Variants in DDAH1 observed in about 807,000 individuals in gnomAD.
DDAH1 encodes the protein dimethylarginine dimethylaminohydrolase 1, also known as N(G),N(G)-dimethylarginine dimethylaminohydrolase 1.
DDAH1 carries 19 observed loss-of-function variants against 28.8 expected under a neutral mutation model. The ratio of observed to expected loss-of-function variants is 0.66; its 90% CI spans 0.46 to 0.97. The LOEUF (loss-of-function observed/expected upper bound fraction) is 0.97. Ranked by LOEUF, DDAH1 falls within the 50% of genes least tolerant of loss-of-function variation. The probability of loss-of-function intolerance (pLI) is 0.00; values close to 1 mark genes in which losing one functional copy is unlikely to be tolerated. For synonymous variants in DDAH1, 153 were observed against 154.4 expected (o/e 0.99, Z 0.07); for missense variants, 326 against 375.9 (o/e 0.87, Z 1.10).
intron 4 of DDAH1, among the ~76,000 whole-genome samples, chr1:85,331,213 C>T (rs182371676): frequency 1.3e-5 from 2 of 152,264 alleles, no homozygotes; most frequent in African/African-American, 4.8e-5. Context: ...GACTGAAAGC[C>T]CACTCCATTC....
chr1:85,351,478 T>C (rs780893194), intron 3 of DDAH1, 28 bp downstream of exon 3: 1 of 1,571,628 alleles, frequency 6.4e-7, no homozygotes, highest in South Asian at 1.1e-5. Context: ...AATTGCTTTG[T>C]GCCAGGCATA....
chr1:85,479,872 A>C lies in DDAH1; in HGVS notation c.-7+16294T>G, dbSNP rs17127790. Among the ~76,000 whole-genome samples the C allele has an allele frequency of 9.8e-3, 1,487 of 152,314 alleles. 26 individuals are homozygous for C. The highest frequency in any genetic ancestry group is 0.035 in the African/African-American group (1,435 of 41,566). ...ATCACATGTTCTAGAAGAGGTCACA[A>C]AATTCTGATTTGGGAATTTTTGTAA... On this transcript the variant is annotated intron_variant, in intron 2 of 6. Transcript: ENST00000426972.
intron 1 of DDAH1, among the ~76,000 whole-genome samples, chr1:85,425,938 A>C (rs934792685): frequency 6.6e-6 from 1 of 152,206 alleles, no homozygotes; most frequent in African/African-American, 2.4e-5. Context: ...TGTGATAAGC[A>C]CTAGTCTAGC....
intron 1 of DDAH1, among the ~76,000 whole-genome samples, chr1:85,366,937 G>A (rs1258412827): frequency 1.3e-5 from 2 of 152,150 alleles, no homozygotes; most frequent in African/African-American, 2.4e-5. Flanking sequence ...ATGACACAGA[G>A]AATCTACAAT....
intron 1 of DDAH1, among the ~76,000 whole-genome samples, chr1:85,405,371 A>C (rs985346852): frequency 6.6e-6 from 1 of 152,234 alleles, no homozygotes; most frequent in Non-Finnish European, 1.5e-5. Context: ...AACTGTAAAA[A>C]ACACTGTATG....
chr1:85,464,605 C>G lies in DDAH1; in HGVS notation c.303+138G>C, dbSNP rs576342490. The G allele has an allele frequency of 1.6e-4, 237 of 1,526,876 alleles. 1 individual carries two copies. The East Asian group carries it at 4.6e-3, about 30-fold the overall frequency. 94.6% of individuals were successfully genotyped at this position (1,526,876 alleles called of 1,614,324 possible). On this transcript the variant is annotated intron_variant, in intron 1 of 5. Transcript: ENST00000284031. The surrounding 1 kb of genome is among the most constrained non-coding windows in gnomAD (Gnocchi z 4.4). ...TGACTCTCTGACACACACACACACA[C>G]ACACACTCGCCCCCCGACGGGAAGT...
intron 1 of DDAH1, among the ~76,000 whole-genome samples, chr1:85,572,887 T>G (rs772540171): frequency 6.6e-6 from 1 of 152,254 alleles, no homozygotes; most frequent in Non-Finnish European, 1.5e-5. Context: ...GGTGTCTCAG[T>G]GCAGCCAGAA....
chr1:85,479,424 C>T (rs959985000), intron 2 of DDAH1, among the ~76,000 whole-genome samples: 11 of 152,002 alleles, frequency 7.2e-5, no homozygotes, highest in South Asian at 2.1e-4. Flanking sequence ...CCACCCGCCT[C>T]GGCCTCCCAA....
chr1:85,556,957 A>T (rs548551518), intron 1 of DDAH1, among the ~76,000 whole-genome samples: 4 of 152,268 alleles, frequency 2.6e-5, no homozygotes, highest in African/African-American at 9.6e-5. Flanking sequence ...TCTCTACTGA[A>T]AACACAAAAA....
At chr1:85,471,347 A>G (rs558535032) in intron 2 of DDAH1, among the ~76,000 whole-genome samples, 12 of 152,174 alleles carry the variant, frequency 7.9e-5, no homozygotes, top group African/African-American at 2.9e-4. Context: ...GGTTCTCTTT[A>G]CCTGCTCACA....
chr1:85,501,586 C>T (rs182767441), intron 1 of DDAH1, among the ~76,000 whole-genome samples: 2 of 152,272 alleles, frequency 1.3e-5, no homozygotes, highest in Admixed American at 1.3e-4. Flanking sequence ...CCACCTCAAC[C>T]ACCCTGAACT....
At chr1:85,354,612 T>C (rs1400851692) in intron 2 of DDAH1, among the ~76,000 whole-genome samples, 1 of 152,108 alleles carries the variant, frequency 6.6e-6, no homozygotes, top group Admixed American at 6.5e-5. Context: ...TATAAATTAT[T>C]ACAGTTATGA....
chr1:85,354,324 G>A (rs961548582), intron 2 of DDAH1, among the ~76,000 whole-genome samples: 3 of 151,968 alleles, frequency 2.0e-5, no homozygotes, highest in Admixed American at 6.6e-5. Flanking sequence ...TCATGTAGAT[G>A]GTTAATTAGA....
intron 1 of DDAH1, among the ~76,000 whole-genome samples, chr1:85,541,778 G>C (rs1374612312): frequency 1.3e-5 from 2 of 152,084 alleles, no homozygotes; most frequent in African/African-American, 2.4e-5. Context: ...ATCAGATTAG[G>C]GTCCTGGTAA....
intron 2 of DDAH1, among the ~76,000 whole-genome samples, chr1:85,486,069 G>A (rs778373169): frequency 2.6e-5 from 4 of 152,176 alleles, no homozygotes; most frequent in Non-Finnish European, 5.9e-5. Flanking sequence ...GGTTGAGTTT[G>A]CCCTGCTGTC....
Position 85,374,511 on chromosome 1 carries a change from C to T in DDAH1, c.304-15664G>A, listed in dbSNP as rs552238399. On this transcript the variant is annotated intron_variant, in intron 1 of 5. Transcript: ENST00000284031. ...GAGAGGTTTATTTAAAGCCCACTCT[C>T]CCTGGACTTGAAGTGAAAAAGGTAA... 2.0e-5 allele frequency among the ~76,000 whole-genome samples: 3 copies of T among 152,196 alleles called. No homozygotes were observed. The East Asian group carries it at 5.8e-4, about 29-fold the overall frequency.
intron 5 of DDAH1, among the ~76,000 whole-genome samples, chr1:85,322,288 G>A (rs1172760730): frequency 6.6e-6 from 1 of 152,008 alleles, no homozygotes; most frequent in African/African-American, 2.4e-5. Context: ...CAACACTGCT[G>A]GAAAAATTTG....
At chr1:85,385,924 T>C (rs1166475276) in intron 1 of DDAH1, among the ~76,000 whole-genome samples, 1 of 151,784 alleles carries the variant, frequency 6.6e-6, no homozygotes, top group Non-Finnish European at 1.5e-5. Context: ...GTGAGAGAGA[T>C]GAAGGAGGAG....
intron 1 of DDAH1, among the ~76,000 whole-genome samples, chr1:85,504,419 G>A (rs962998303): frequency 1.3e-5 from 2 of 152,280 alleles, no homozygotes; most frequent in Admixed American, 1.3e-4. Flanking sequence ...GTCTTTGGCT[G>A]TGATAAAATC....
Sources: gnomAD v4.1 joint callset for allele counts (sites outside exome capture counted in the v4.1 genomes callset) on GRCh38, gnomAD v4.1.1 for gene constraint, Gnocchi (gnomAD v3.1) non-coding constraint, MANE v1.5 for transcripts, NCBI Gene and HGNC (gene_info 2026-07-23, HGNC 2026-07-21) for gene names.